SUSD5: variants seen among roughly 807,000 people sequenced by gnomAD.
The protein encoded by SUSD5 is sushi domain containing 5.
In SUSD5, 33 loss-of-function variants were observed where a neutral mutation model predicts 29.5. The ratio of observed to expected loss-of-function variants is 1.12; its 90% CI spans 0.85 to 1.49. The LOEUF (loss-of-function observed/expected upper bound fraction) is 1.49. SUSD5 is among the 40% of genes most tolerant of loss of function. The pLI is 0.00. For synonymous variants in SUSD5, 308 were observed against 325.3 expected, an observed-to-expected ratio of 0.95 and a Z score of 0.57; for missense variants, 776 against 800.6, an observed-to-expected ratio of 0.97 and a Z score of 0.37.
rs189392431 is a variant in SUSD5, at chr3:33,204,616, C to T, written c.409+3192G>A. ...GATTACAGGCTTGAGCCACCACACC[C>T]GGCCTGTTTTATTTTGTTTTGTTTT... On this transcript the variant is annotated intron_variant, in intron 3 of 4. Transcript: ENST00000309558. The surrounding 1 kb of genome is among the most constrained non-coding windows in gnomAD (Gnocchi z 4.5). Among the ~76,000 whole-genome samples, 124 of 143,468 alleles carry T rather than the reference C, an allele frequency of 8.6e-4. No homozygotes were observed. The highest frequency in any genetic ancestry group is 2.9e-3 in the African/African-American group (110 of 38,138). The allele number at this position is 143,468 out of a possible 152,430, so 94.1% of individuals were successfully genotyped here.
intron 3 of SUSD5, among the ~76,000 whole-genome samples, chr3:33,198,472 C>CA (rs2032039102): frequency 6.6e-6 from 1 of 152,116 alleles, no homozygotes; most frequent in African/African-American, 2.4e-5. Flanking sequence ...GTGGACTTTG[C>CA]AAAAAGGACA....
chr3:33,171,211 G>A (rs1308538255), intron 4 of SUSD5, among the ~76,000 whole-genome samples: 1 of 152,102 alleles, frequency 6.6e-6, no homozygotes, highest in Non-Finnish European at 1.5e-5. Flanking sequence ...GCCAGGCGTG[G>A]TGGCGCATGC....
chr3:33,178,222 C>T (rs940502681), intron 3 of SUSD5, among the ~76,000 whole-genome samples: 1 of 152,082 alleles, frequency 6.6e-6, no homozygotes, highest in African/African-American at 2.4e-5. Flanking sequence ...TTGTCAAATG[C>T]CTTTTCTGCA....
intron 4 of SUSD5, among the ~76,000 whole-genome samples, chr3:33,163,023 A>C (rs1559445272): frequency 6.6e-6 from 1 of 152,108 alleles, no homozygotes; most frequent in South Asian, 2.1e-4. Context: ...GAAATAGAAA[A>C]ATTTTATATA....
At chr3:33,201,449 C>T (rs2032115553) in intron 3 of SUSD5, among the ~76,000 whole-genome samples, 1 of 152,242 alleles carries the variant, frequency 6.6e-6, no homozygotes, top group South Asian at 2.1e-4. Context: ...GCCACAAAGA[C>T]ATCCCAGAGA....
At position 33,166,471 on chromosome 3, in the gene SUSD5, TACTC is replaced by T. The variant is rs550233360; in HGVS notation, c.598+8411_598+8414del. Among the ~76,000 whole-genome samples the T allele has an allele frequency of 5.1e-3, 778 of 152,296 alleles. 24 individuals carry two copies. The highest frequency in any genetic ancestry group is 0.048 in the Admixed American group (733 of 15,298). The stretch of plus-strand genomic sequence containing the variant: ...AGGTCTCAGTTTGGGACTAATGTGT[TACTC>T]ACCAGAATGCTGGGAACAGCATCCA... On this transcript the variant is annotated intron_variant, in intron 4 of 4. Coordinates refer to ENST00000309558, the MANE Select transcript of SUSD5 (RefSeq NM_015551.2).
chr3:33,170,818 G>T (rs902162794), intron 4 of SUSD5, among the ~76,000 whole-genome samples: 1 of 152,058 alleles, frequency 6.6e-6, no homozygotes, highest in African/African-American at 2.4e-5. Context: ...ATGGTAACAG[G>T]GGCTAGAGTT....
chr3:33,175,564 T>A (rs913886585), intron 3 of SUSD5, among the ~76,000 whole-genome samples: 13 of 109,358 alleles, frequency 1.2e-4, no homozygotes, highest in Non-Finnish European at 2.4e-4. Context: ...ACACACACAC[T>A]ATATATATAT....
intron 1 of SUSD5, among the ~76,000 whole-genome samples, chr3:33,217,138 T>C (rs753140345): frequency 4.6e-5 from 7 of 152,192 alleles, no homozygotes; most frequent in Non-Finnish European, 7.4e-5. Flanking sequence ...TAAACAGTTA[T>C]AATGGGATGA....
intron 4 of SUSD5, among the ~76,000 whole-genome samples, chr3:33,165,087 T>C (rs1308358574): frequency 6.6e-6 from 1 of 151,856 alleles, no homozygotes; most frequent in Admixed American, 6.6e-5. Context: ...ACATGTAACA[T>C]GGTCACCAAA....
intron 3 of SUSD5, among the ~76,000 whole-genome samples, chr3:33,199,257 T>C (rs1177013737): frequency 1.3e-5 from 2 of 150,704 alleles, no homozygotes; most frequent in East Asian, 3.9e-4. Context: ...CGTTTACACA[T>C]ATACACAAAA....
intron 4 of SUSD5, among the ~76,000 whole-genome samples, chr3:33,162,839 C>T (rs914483579): frequency 2.0e-5 from 3 of 150,598 alleles, no homozygotes; most frequent in African/African-American, 7.3e-5. Flanking sequence ...GTAATCTGAA[C>T]CTGGGAGGCA....
intron 1 of SUSD5, among the ~76,000 whole-genome samples, chr3:33,214,933 C>T (rs2032399653): frequency 6.6e-6 from 1 of 151,994 alleles, no homozygotes; most frequent in Admixed American, 6.6e-5. Context: ...ACTTTACTTC[C>T]ATCTGTCACC....
At position 33,153,047 on chromosome 3, in the gene SUSD5, T is replaced by C; in HGVS notation, c.1585A>G (p.Ile529Val). 2 of 1,613,818 alleles carry C rather than the reference T, an allele frequency of 1.2e-6. No homozygotes were observed. The highest frequency in any genetic ancestry group is 1.7e-6 in the Non-Finnish European group (2 of 1,179,796). The change falls in exon 5 of 5, where the codon ATC becomes GTC. Residue 529 changes from isoleucine to valine, a missense_variant. Coordinates refer to ENST00000309558, the MANE Select transcript of SUSD5 (RefSeq NM_015551.2). The stretch of plus-strand genomic sequence containing the variant: ...AGCAGGTATGGGAAGCTATCCTGGA[T>C]CTCAGGAACAGTGGTTTCTACTGGA... Reference protein sequence around the residue: ...QPPVETTVPEIQDSFPYLLSE... With the variant: ...QPPVETTVPEVQDSFPYLLSE...
At chr3:33,202,485 G>C (rs2032139780) in intron 3 of SUSD5, among the ~76,000 whole-genome samples, 2 of 152,166 alleles carry the variant, frequency 1.3e-5, no homozygotes, top group South Asian at 2.1e-4. Context: ...AAGTATGCAA[G>C]GGAGGAGGAA....
chr3:33,174,460 C>T (rs981091465), intron 4 of SUSD5, among the ~76,000 whole-genome samples: 3 of 152,166 alleles, frequency 2.0e-5, no homozygotes, highest in Admixed American at 2.0e-4. Flanking sequence ...CAGGGCAGCC[C>T]AGAGCTGGGC....
chr3:33,207,902 A>G lies in SUSD5; in HGVS notation c.315T>C (p.Ser105=). 1.2e-6 allele frequency: 2 copies of G among 1,613,782 alleles called. No homozygotes were observed. Among genetic ancestry groups the G allele is most frequent in the Non-Finnish European group, 1.7e-6 (2 of 1,179,790 alleles). The change falls in exon 3 of 5, where the codon AGT becomes AGC. Residue 105 remains serine (S), a synonymous_variant. Coordinates refer to ENST00000309558, the MANE Select transcript of SUSD5 (RefSeq NM_015551.2). ...CAGCTCTCATGATTTGCTGTTCTCC[A>G]CTTCCTTTGCTACACACAGTTGTTC... ...TLGTTVCSKG[S]GEQQIMRAVD...
Position 33,153,518 on chromosome 3 carries a change from C to T in SUSD5, c.1114G>A (p.Asp372Asn), listed in dbSNP as rs374212874. 6.2e-7 allele frequency: 1 copy of T among 1,613,978 alleles called. No individual in the cohort carries two copies. Among genetic ancestry groups the T allele is most frequent in the Non-Finnish European group, 8.5e-7 (1 of 1,179,992 alleles). Residue 372 changes from aspartate to asparagine, a missense_variant, in exon 5 of 5, where the codon GAT becomes AAT. By Grantham distance (23) the Asp-to-Asn change is conservative. Coordinates refer to ENST00000309558, the MANE Select transcript of SUSD5 (RefSeq NM_015551.2). ...GCCCCCTCTGTCACAGGGTAGCCAT[C>T]TAACCAGGACTCATCACTGCTGCTC... ...VVSSSDESWL[D>N]GYPVTEGAWR...
chr3:33,207,193 TG>T lies in SUSD5; in HGVS notation c.409+614del, dbSNP rs541073674. Among the ~76,000 whole-genome samples, 27 of 152,324 alleles carry T rather than the reference TG, an allele frequency of 1.8e-4. No individual in the cohort carries two copies. In the South Asian group the frequency reaches 5.6e-3, roughly 32 times the overall value. ...CCCTAAATCTTATAAATTTCCTTTT[TG>T]GGAAAAATATTATTTTCTTTTTAGT... On this transcript the variant is annotated intron_variant, in intron 3 of 4. Transcript: ENST00000309558.
Sources: allele counts gnomAD v4.1 joint callset (sites outside exome capture counted in the v4.1 genomes callset), GRCh38; gene constraint gnomAD v4.1.1; non-coding constraint Gnocchi (gnomAD v3.1); transcripts MANE v1.5; gene names NCBI Gene and HGNC (gene_info 2026-07-23, HGNC 2026-07-21).